Variants in DNAJC13 observed in about 807,000 individuals in gnomAD.
DNAJC13 encodes the protein dnaJ homolog subfamily C member 13.
Under a neutral mutation model 290.5 loss-of-function variants are expected in DNAJC13, and 75 were observed. That is an observed-to-expected ratio of 0.26 (90% CI 0.21 to 0.31). The LOEUF is 0.31. DNAJC13 is among the 10% of genes least tolerant of loss of function. DNAJC13 has a pLI of 1.00. For missense variants in DNAJC13, 2,260 were observed against 2,674.5 expected (o/e 0.85, Z 3.42); for synonymous variants, 862 against 892.0 (o/e 0.97, Z 0.60).
intron 48 of DNAJC13, among the ~76,000 whole-genome samples, chr3:132,522,093 G>A (rs1176391764): frequency 6.6e-6 from 1 of 152,142 alleles, no homozygotes; most frequent in Non-Finnish European, 1.5e-5. Context: ...TTAAGCATCT[G>A]TTATGTGCCA....
Position 132,463,748 on chromosome 3 carries a change from G to A in DNAJC13, c.1823G>A (p.Gly608Asp), listed in dbSNP as rs777228155. The A allele has an allele frequency of 6.2e-7, 1 of 1,613,402 alleles. No homozygotes were observed. The highest frequency in any genetic ancestry group is 2.2e-5 in the East Asian group (1 of 44,854). ...ATGCAGGAGCTTGCCCTAAGTGAAG[G>A]TGCCTTACCTCGACACTTGCATACT... is the stretch of plus-strand genomic sequence containing the variant. ...TKMQELALSE[G>D]ALPRHLHTAM... Residue 608 changes from glycine (G) to aspartate (D), a missense_variant, in exon 17 of 56, where the codon GGT becomes GAT. By Grantham distance (94) the Gly-to-Asp change is moderately conservative (BLOSUM62 -1). Transcript: ENST00000260818.
At chr3:132,464,072 C>G (rs1008789822) in intron 17 of DNAJC13, among the ~76,000 whole-genome samples, 1 of 152,068 alleles carries the variant, frequency 6.6e-6, no homozygotes, top group African/African-American at 2.4e-5. Flanking sequence ...GTCATGGGAC[C>G]AATATGGAAA....
At chr3:132,506,541 CTTTTTTTTTTTT>C (rs34151394) in intron 42 of DNAJC13, among the ~76,000 whole-genome samples, 7 of 54,754 alleles carry the variant, frequency 1.3e-4, no homozygotes, top group Non-Finnish European at 1.3e-4. Flanking sequence ...CAGTGTATTA[CTTTTTTTTTTTT>C]TTTTTTTTTT....
At chr3:132,433,083 T>G (rs1438274713) in intron 1 of DNAJC13, among the ~76,000 whole-genome samples, 3 of 152,208 alleles carry the variant, frequency 2.0e-5, no homozygotes, top group African/African-American at 7.2e-5. Flanking sequence ...GGTTAAGCAG[T>G]ACAAATGGCA....
intron 38 of DNAJC13, 75 bp downstream of exon 38, chr3:132,499,883 A>G (rs553520293): frequency 1.5e-6 from 2 of 1,352,694 alleles, no homozygotes; most frequent in African/African-American, 3.0e-5. Flanking sequence ...CTGAGAATCA[A>G]CTGGAGGGCT....
chr3:132,487,116 A>G (rs1325948275), intron 29 of DNAJC13, among the ~76,000 whole-genome samples: 1 of 152,194 alleles, frequency 6.6e-6, no homozygotes, highest in Non-Finnish European at 1.5e-5. Flanking sequence ...TCCTTGTGGA[A>G]TAGATAAGAC....
Position 132,483,450 on chromosome 3 carries a change from C to T in DNAJC13, c.3055C>T (p.Pro1019Ser). ...CWAQGMDGWR[P>S]LQSIPQLKWC... The stretch of plus-strand genomic sequence containing the variant: ...GGCTCAAGGCATGGATGGATGGCGA[C>T]CACTTCAGTCCATACCCCAGCTTAA... The change falls in exon 28 of 56, where the codon CCA (proline) becomes TCA (serine). Residue 1019 changes from proline (P) to serine (S), a missense_variant. Pro to Ser is a moderately conservative substitution (Grantham distance 74, BLOSUM62 -1). Around this residue, in one of 3 missense-constraint regions of DNAJC13, gnomAD observed 1,494 missense variants for 1,693.7 expected, o/e 0.88. Coordinates refer to ENST00000260818, the MANE Select transcript of DNAJC13 (RefSeq NM_015268.4). 1 of 1,614,112 alleles carries T rather than the reference C, an allele frequency of 6.2e-7. No individual in the cohort carries two copies. The highest frequency in any genetic ancestry group is 8.5e-7 in the Non-Finnish European group (1 of 1,180,000).
At chr3:132,473,535 G>A (rs1934359038) in intron 21 of DNAJC13, among the ~76,000 whole-genome samples, 1 of 152,168 alleles carries the variant, frequency 6.6e-6, no homozygotes. Flanking sequence ...TGGAAATGGA[G>A]TCTTAAAAGA....
chr3:132,520,655 T>C (rs1936062003), intron 48 of DNAJC13, among the ~76,000 whole-genome samples: 1 of 152,220 alleles, frequency 6.6e-6, no homozygotes, highest in East Asian at 1.9e-4. Flanking sequence ...AAGTATCAGA[T>C]GACAGTAGGT....
At chr3:132,467,101 C>T in intron 19 of DNAJC13, 69 bp from the exon 20 acceptor site, 1 of 1,495,684 alleles carries the variant, frequency 6.7e-7, no homozygotes, top group African/African-American at 1.4e-5. Context: ...TAGAATGACT[C>T]AGCTTTACAT....
intron 48 of DNAJC13, among the ~76,000 whole-genome samples, chr3:132,520,498 T>G (rs1055427): frequency 6.6e-6 from 1 of 152,230 alleles, no homozygotes; most frequent in Admixed American, 6.5e-5. Context: ...CTGGTAAACT[T>G]TGCTTTAATA....
At position 132,496,815 on chromosome 3, in the gene DNAJC13, TGTA is replaced by T. The variant is rs914853166; in HGVS notation, c.4156+155_4156+157del. The T allele has an allele frequency of 3.8e-6, 3 of 790,758 alleles. No homozygotes were observed. In the African/African-American group the frequency reaches 5.4e-5, roughly 14 times the overall value. 49.0% of individuals were successfully genotyped at this position (790,758 alleles called of 1,614,324 possible). A position where few individuals can be genotyped will look rare whatever the true frequency, so the allele number is the denominator to read the frequency against. ...GAATTATGTTTTAAATAAAGGAAAA[TGTA>T]GTTTTCTAAAGAAGGGCCCAAATAT... is the stretch of plus-strand genomic sequence containing the variant. On this transcript the variant is annotated intron_variant, in intron 36 of 55. Coordinates refer to ENST00000260818, the MANE Select transcript of DNAJC13 (RefSeq NM_015268.4).
chr3:132,492,416 G>C lies in DNAJC13; in HGVS notation c.3626G>C (p.Arg1209Pro). ...PEAIWSSEMR[R>P]LMIEKIAAHL... is the part of the protein sequence containing the mutation. ...AATGGAGGTTTTTATGATTGTAGGC[G>C]CCTGATGATAGAGAAGATTGCTGCC... Residue 1209 changes from arginine to proline, a missense_variant and splice_region_variant, in exon 33 of 56, where the codon CGC (arginine) becomes CCC (proline). Around this residue, in one of 3 missense-constraint regions of DNAJC13, gnomAD observed 1,494 missense variants for 1,693.7 expected, o/e 0.88. Transcript: ENST00000260818. 1 of 1,613,548 alleles carries C rather than the reference G, an allele frequency of 6.2e-7. No individual in the cohort carries two copies. Among genetic ancestry groups the C allele is most frequent in the Middle Eastern group, 1.7e-4 (1 of 6,060 alleles).
Position 132,472,095 on chromosome 3 carries a change from G to T in DNAJC13, c.2209-1050G>T, listed in dbSNP as rs556586761. ...CCCCGTCTCCACCAAAACCAGTCAG[G>T]CGTGGCGGCGCGTGCCTGCAATGGC... is the stretch of plus-strand genomic sequence containing the variant. On this transcript the variant is annotated intron_variant, in intron 20 of 55. Coordinates refer to ENST00000260818, the MANE Select transcript of DNAJC13 (RefSeq NM_015268.4). Among the ~76,000 whole-genome samples, 61 of 150,000 alleles carry T rather than the reference G, an allele frequency of 4.1e-4. No homozygotes were observed. The East Asian group carries it at 0.012, about 29-fold the overall frequency.
At position 132,538,650 on chromosome 3, in the gene DNAJC13, T is replaced by C. The variant is rs1426726364; in HGVS notation, c.*368T>C. The stretch of plus-strand genomic sequence containing the variant: ...AGGGTTGAGCTACAGTCAACAAAAA[T>C]TGGGCTAAGTCACTTTTCCCCAGGA... On this transcript the variant is annotated 3_prime_UTR_variant, in exon 56 of 56. Coordinates refer to ENST00000260818, the MANE Select transcript of DNAJC13 (RefSeq NM_015268.4). The C allele has an allele frequency of 6.3e-6, 1 of 157,524 alleles. No homozygotes were observed. Among genetic ancestry groups the C allele is most frequent in the African/African-American group, 2.4e-5 (1 of 41,530 alleles). The allele number at this position is 157,524 out of a possible 1,614,324, so 9.8% of individuals were successfully genotyped here. A position where few individuals can be genotyped will look rare whatever the true frequency, so the allele number is the denominator to read the frequency against.
chr3:132,480,630 A>G (rs1214985184), intron 26 of DNAJC13, among the ~76,000 whole-genome samples, 160 bp downstream of exon 26: 1 of 152,236 alleles, frequency 6.6e-6, no homozygotes, highest in Non-Finnish European at 1.5e-5. Flanking sequence ...ATGTGAAACC[A>G]CTGTAAGAAC....
Position 132,480,450 on chromosome 3 carries a change from C to T in DNAJC13, c.2854C>T (p.Arg952Ter). The T allele has an allele frequency of 6.2e-7, 1 of 1,612,232 alleles. No homozygotes were observed. Among genetic ancestry groups the T allele is most frequent in the Non-Finnish European group, 8.5e-7 (1 of 1,178,706 alleles). Residue 952 changes from arginine to a stop codon, truncating the protein, a stop_gained, in exon 26 of 56, where the codon CGA becomes TGA. Transcript: ENST00000260818. LOFTEE classifies it high-confidence loss of function. Reference sequence around the variant, plus strand: ...TACCCTTGCACATCTCCATGTAAGCCGAGCTACAGTACCACTGCAAGTACG... The same window carrying T: ...TACCCTTGCACATCTCCATGTAAGCTGAGCTACAGTACCACTGCAAGTACG... ...LLTLAHLHVS[R>*]ATVPLQSNVI... is the part of the protein sequence containing the mutation.
At position 132,516,958 on chromosome 3, in the gene DNAJC13, G is replaced by A. The variant is rs182995864; in HGVS notation, c.5673+142G>A. On this transcript the variant is annotated intron_variant, in intron 48 of 55. Coordinates refer to ENST00000260818, the MANE Select transcript of DNAJC13 (RefSeq NM_015268.4). ...GTGAAAGTTGGAAAATTCACATTCC[G>A]GGAATTGTTCCTATGTATTACTGTT... 210 of 708,940 alleles carry A rather than the reference G, an allele frequency of 3.0e-4. 3 individuals carry two copies. The East Asian group carries it at 5.1e-3, about 17-fold the overall frequency. The allele number at this position is 708,940 out of a possible 1,614,324, so 43.9% of individuals were successfully genotyped here.
At chr3:132,494,376 A>T in intron 34 of DNAJC13, 117 bp downstream of exon 34, 1 of 781,106 alleles carries the variant, frequency 1.3e-6, no homozygotes, top group Non-Finnish European at 2.1e-6. Flanking sequence ...TTTGATATAT[A>T]CACCTTGGGA....
Sources: gnomAD v4.1 joint callset for allele counts (sites outside exome capture counted in the v4.1 genomes callset) on GRCh38, gnomAD v4.1.1 for gene constraint, gnomAD v4.1.1 regional missense constraint, MANE v1.5 for transcripts, NCBI Gene and HGNC (gene_info 2026-07-23, HGNC 2026-07-21) for gene names.